Variants in MRPS31 observed in about 807,000 individuals in gnomAD.
The protein encoded by MRPS31 is mitochondrial ribosomal protein S31, also known as small ribosomal subunit protein mS31.
MRPS31 carries 32 observed loss-of-function variants against 43.1 expected under a neutral mutation model. That is an observed-to-expected ratio of 0.74 (90% CI 0.56 to 1.00). The LOEUF is 1.00. MRPS31 is among the 50% of genes least tolerant of loss of function. The pLI, the probability that MRPS31 is intolerant of heterozygous loss-of-function variation, is 0.00. For synonymous variants in MRPS31, 165 were observed against 161.6 expected, an observed-to-expected ratio of 1.02 and a Z score of -0.16; for missense variants, 437 against 466.7, an observed-to-expected ratio of 0.94 and a Z score of 0.59.
chr13:40,739,333 G>A (rs969854004), intron 6 of MRPS31, among the ~76,000 whole-genome samples: 1 of 152,144 alleles, frequency 6.6e-6, no homozygotes, highest in African/African-American at 2.4e-5. Context: ...TAGATAGGAA[G>A]AATCAATATC....
intron 4 of MRPS31, among the ~76,000 whole-genome samples, chr13:40,755,335 C>A (rs1880500892): frequency 6.6e-6 from 1 of 152,208 alleles, no homozygotes; most frequent in South Asian, 2.1e-4. Flanking sequence ...CAGCAGAGGG[C>A]AAATGCCTTG....
At chr13:40,759,146 A>G (rs1284400062) in intron 2 of MRPS31, 40 bp from the exon 3 acceptor site, 2 of 1,515,106 alleles carry the variant, frequency 1.3e-6, no homozygotes, top group African/African-American at 1.4e-5. Flanking sequence ...AAGAAAAAAA[A>G]AGAGAGATTG....
chr13:40,759,039 T>C lies in MRPS31; in HGVS notation c.508A>G (p.Lys170Glu). The change falls in exon 3 of 7, where the codon AAG (lysine) becomes GAG (glutamate). Residue 170 changes from lysine to glutamate, a missense_variant. Physicochemically the swap from Lys to Glu is moderately conservative, Grantham distance 56. Coordinates refer to ENST00000323563, the MANE Select transcript of MRPS31 (RefSeq NM_005830.4). ...AGCAGCTCTGACTTGGTTGTTTGCT[T>C]ATCAAAAGGGAGAGAATCTGCCACA... ...SAVADSLPFD[K>E]QTTKSELLSQ... The C allele has an allele frequency of 6.2e-7, 1 of 1,608,314 alleles. No individual in the cohort carries two copies. Among genetic ancestry groups the C allele is most frequent in the Non-Finnish European group, 8.5e-7 (1 of 1,177,680 alleles).
chr13:40,768,679 C>G (rs1166249834), intron 1 of MRPS31, among the ~76,000 whole-genome samples: 4 of 152,148 alleles, frequency 2.6e-5, no homozygotes, highest in Non-Finnish European at 5.9e-5. Context: ...AGCCACCACA[C>G]CTGGCCCACA....
chr13:40,740,504 T>C (rs1260861375), intron 6 of MRPS31, among the ~76,000 whole-genome samples: 2 of 138,884 alleles, frequency 1.4e-5, no homozygotes, highest in Non-Finnish European at 1.5e-5. Context: ...TATTGCGGCA[T>C]TATTCACAAT....
At chr13:40,730,578 G>A (rs912405475) in intron 6 of MRPS31, among the ~76,000 whole-genome samples, 1 of 151,876 alleles carries the variant, frequency 6.6e-6, no homozygotes, top group Non-Finnish European at 1.5e-5. Flanking sequence ...TTTTTCTTTT[G>A]AGATAGAGTT....
At chr13:40,734,043 A>G (rs898624852) in intron 6 of MRPS31, among the ~76,000 whole-genome samples, 2 of 151,634 alleles carry the variant, frequency 1.3e-5, no homozygotes, top group African/African-American at 4.8e-5. Context: ...GCAGGAGAAT[A>G]GCTTGAACCT....
At chr13:40,734,722 G>C (rs1309611216) in intron 6 of MRPS31, among the ~76,000 whole-genome samples, 1 of 151,998 alleles carries the variant, frequency 6.6e-6, no homozygotes, top group Non-Finnish European at 1.5e-5. Flanking sequence ...GCAACATAGT[G>C]AGACCTCGTC....
At chr13:40,732,446 T>A (rs762857004) in intron 6 of MRPS31, among the ~76,000 whole-genome samples, 3 of 152,176 alleles carry the variant, frequency 2.0e-5, no homozygotes, top group Non-Finnish European at 4.4e-5. Flanking sequence ...ACTAAACATG[T>A]GCATGGGCAG....
At chr13:40,750,714 C>A (rs914823797) in intron 5 of MRPS31, among the ~76,000 whole-genome samples, 42 of 143,824 alleles carry the variant, frequency 2.9e-4, no homozygotes, top group Non-Finnish European at 3.6e-4. Flanking sequence ...CTACTTTTTT[C>A]ACTGAATGCT....
rs371248944 is a variant in MRPS31 at position 40,758,334 on chromosome 13, T to C, written c.599+614A>G. Among the ~76,000 whole-genome samples, 16 of 152,178 alleles carry C rather than the reference T, an allele frequency of 1.1e-4. No homozygotes were observed. In the East Asian group the frequency reaches 1.3e-3, roughly 13 times the overall value. On this transcript the variant is annotated intron_variant, in intron 3 of 6. Transcript: ENST00000323563. ...TTAGCCTCCCAAAGTGCTGGGATCA[T>C]GGGCATGAGCCAGCACACATGGCCA...
At chr13:40,745,121 C>A (rs1211120766) in intron 6 of MRPS31, among the ~76,000 whole-genome samples, 1 of 150,962 alleles carries the variant, frequency 6.6e-6, no homozygotes, top group Non-Finnish European at 1.5e-5. Flanking sequence ...GGGGTTTCAT[C>A]ATGTTGACCA....
chr13:40,754,704 C>T (rs895687883), intron 4 of MRPS31, among the ~76,000 whole-genome samples: 4 of 152,212 alleles, frequency 2.6e-5, no homozygotes, highest in African/African-American at 9.6e-5. Context: ...TACTTGAATA[C>T]ATTTACTGGC....
At chr13:40,751,179 C>G (rs1566108261) in intron 5 of MRPS31, among the ~76,000 whole-genome samples, 1 of 152,086 alleles carries the variant, frequency 6.6e-6, no homozygotes, top group East Asian at 1.9e-4. Context: ...AGTTGTTAGC[C>G]TTAACTAGCC....
intron 6 of MRPS31, among the ~76,000 whole-genome samples, chr13:40,730,785 C>T: frequency 6.6e-6 from 1 of 151,898 alleles, no homozygotes; most frequent in East Asian, 2.0e-4. Context: ...GGCTTGAACT[C>T]CTGACCTCAG....
Position 40,768,624 on chromosome 13 carries a change from T to C in MRPS31, c.153-1591A>G, listed in dbSNP as rs919919588. 6.6e-5 allele frequency among the ~76,000 whole-genome samples: 10 copies of C among 152,126 alleles called. No homozygotes were observed. The East Asian group carries it at 1.4e-3, about 21-fold the overall frequency. On this transcript the variant is annotated intron_variant, in intron 1 of 6. Transcript: ENST00000323563. ...GTTGCCCAGGCTTGAATTCCTAGGC[T>C]CAAGCGATCTGCCCGCCTCCCAAAG...
Position 40,766,918 on chromosome 13 carries a change from T to G in MRPS31, c.268A>C (p.Ser90Arg), listed in dbSNP as rs150773124. ...TCTTTTTTCGTATTTTCCTTTTCAC[T>G]GTCTTGGCTCTCTGAAGTCTCCTTG... ...TSKETSESQD[S>R]EKENTKKDLL... Residue 90 changes from serine to arginine, a missense_variant, in exon 2 of 7, where the codon AGT (serine) becomes CGT (arginine). Physicochemically the swap from Ser to Arg is moderately radical, Grantham distance 110. Coordinates refer to ENST00000323563, the MANE Select transcript of MRPS31 (RefSeq NM_005830.4). 10 of 1,614,158 alleles carry G rather than the reference T, an allele frequency of 6.2e-6. No individual in the cohort carries two copies. Among genetic ancestry groups the G allele is most frequent in the Non-Finnish European group, 8.5e-6 (10 of 1,180,006 alleles).
chr13:40,769,417 T>C (rs1367163610), intron 1 of MRPS31, among the ~76,000 whole-genome samples: 1 of 106,746 alleles, frequency 9.4e-6, no homozygotes, highest in Non-Finnish European at 1.8e-5. Context: ...TATATATATA[T>C]ATATTATCAA....
At chr13:40,770,400 C>T (rs916968855) in intron 1 of MRPS31, among the ~76,000 whole-genome samples, 4 of 152,212 alleles carry the variant, frequency 2.6e-5, no homozygotes, top group Non-Finnish European at 5.9e-5. Context: ...AGTGGTCCTC[C>T]TTCAGATTTC....
Sources: gnomAD v4.1 joint callset for allele counts (sites outside exome capture counted in the v4.1 genomes callset) on GRCh38, gnomAD v4.1.1 for gene constraint, MANE v1.5 for transcripts, NCBI Gene and HGNC (gene_info 2026-07-23, HGNC 2026-07-21) for gene names.